FAS: variants seen among roughly 807,000 people sequenced by gnomAD.
The protein encoded by FAS is tumor necrosis factor receptor superfamily member 6.
In FAS, 5 loss-of-function variants were observed where a neutral mutation model predicts 33.2. The observed-to-expected ratio is 0.15, with a 90% CI of 0.08 to 0.32. The LOEUF is 0.32. Ranked by LOEUF, FAS falls within the 10% of genes least tolerant of loss-of-function variation. The pLI, the probability that FAS is intolerant of heterozygous loss-of-function variation, is 1.00. For missense variants in FAS, 339 were observed against 386.0 expected (o/e 0.88, Z 1.02); for synonymous variants, 131 against 130.7 (o/e 1.00, Z -0.01).
chr10:89,002,379 A>G (rs1184173005), intron 1 of FAS, among the ~76,000 whole-genome samples: 1 of 152,118 alleles, frequency 6.6e-6, no homozygotes, highest in African/African-American at 2.4e-5. Context: ...CCTTCTCATA[A>G]TACTGTCTCC....
intron 1 of FAS, among the ~76,000 whole-genome samples, chr10:88,991,824 C>G (rs935358129): frequency 6.6e-6 from 1 of 152,164 alleles, no homozygotes; most frequent in East Asian, 1.9e-4. Context: ...TGAAAAGTCC[C>G]TCGCTCAGAA....
intron 6 of FAS, chr10:89,011,076 A>G: frequency 1.9e-6 from 1 of 531,354 alleles, no homozygotes; most frequent in Non-Finnish European, 3.4e-6. Context: ...CAGCAGCAGA[A>G]TTGGCCAAAA....
chr10:88,989,323 C>G (rs1313797654), upstream of FAS: 1 of 323,682 alleles, frequency 3.1e-6, no homozygotes, highest in African/African-American at 2.2e-5. Flanking sequence ...CCCTCACACC[C>G]CTTTTCCTTC....
At chr10:89,002,838 A>G in intron 1 of FAS, 191 bp from the exon 2 acceptor site, 1 of 614,506 alleles carries the variant, frequency 1.6e-6, no homozygotes, top group South Asian at 1.8e-5. Flanking sequence ...GGTTTGAAGA[A>G]CCTGAGATCC....
At chr10:88,983,827 C>CTT (rs1846789418), upstream of FAS, among the ~76,000 whole-genome samples, 1 of 152,138 alleles carries the variant, frequency 6.6e-6, no homozygotes, top group Non-Finnish European at 1.5e-5. Flanking sequence ...CATTGAATGA[C>CTT]TTGGAAATTC....
intron 2 of FAS, among the ~76,000 whole-genome samples, chr10:88,979,928 A>G (rs1439487982): frequency 6.6e-6 from 1 of 152,138 alleles, no homozygotes; most frequent in African/African-American, 2.4e-5. Flanking sequence ...ATAATAGAAG[A>G]TATAGTTCTT....
chr10:88,993,234 A>G (rs554086663), intron 1 of FAS, among the ~76,000 whole-genome samples: 5 of 152,266 alleles, frequency 3.3e-5, no homozygotes, highest in South Asian at 4.1e-4. Context: ...AAAGTTGACA[A>G]ATTTCTAAAG....
chr10:89,004,955 A>T (rs1345081615), intron 2 of FAS, among the ~76,000 whole-genome samples: 1 of 152,228 alleles, frequency 6.6e-6, no homozygotes, highest in African/African-American at 2.4e-5. Flanking sequence ...TGAATATTGC[A>T]TAAATTAATG....
chr10:88,994,274 G>A (rs1051233611), intron 1 of FAS, among the ~76,000 whole-genome samples: 3 of 152,126 alleles, frequency 2.0e-5, no homozygotes, highest in Non-Finnish European at 4.4e-5. Flanking sequence ...CTTAAGAGAT[G>A]GTCTGAAACC....
At chr10:88,981,560 C>A (rs764837558) in intron 2 of FAS, among the ~76,000 whole-genome samples, 2 of 152,016 alleles carry the variant, frequency 1.3e-5, no homozygotes, top group Non-Finnish European at 2.9e-5. Flanking sequence ...AGAGGAAGAA[C>A]CAAGGTCAAA....
intron 1 of FAS, among the ~76,000 whole-genome samples, chr10:88,993,233 A>G (rs1045772781): frequency 4.6e-5 from 7 of 152,210 alleles, no homozygotes; most frequent in African/African-American, 1.4e-4. Context: ...AAAAGTTGAC[A>G]AATTTCTAAA....
chr10:89,001,524 A>G (rs192482464), intron 1 of FAS, among the ~76,000 whole-genome samples: 1 of 151,512 alleles, frequency 6.6e-6, no homozygotes, highest in Non-Finnish European at 1.5e-5. Context: ...TGTAACCGTC[A>G]TGCTAGATCC....
intron 1 of FAS, among the ~76,000 whole-genome samples, chr10:89,001,372 T>G (rs1320586904): frequency 6.6e-6 from 1 of 151,878 alleles, no homozygotes; most frequent in Non-Finnish European, 1.5e-5. Context: ...TCTGTGGGGT[T>G]TTTTTCTTCC....
intron 1 of FAS, among the ~76,000 whole-genome samples, chr10:88,993,321 G>A (rs1234352246): frequency 7.2e-6 from 1 of 138,944 alleles, no homozygotes; most frequent in Non-Finnish European, 1.5e-5. Context: ...TTTTTTTATT[G>A]TGCATGACCC....
intron 6 of FAS, among the ~76,000 whole-genome samples, chr10:89,011,327 A>G (rs1280113642): frequency 6.6e-6 from 1 of 152,222 alleles, no homozygotes; most frequent in Non-Finnish European, 1.5e-5. Context: ...CCAAAATTAG[A>G]TATTATCATA....
upstream of FAS, among the ~76,000 whole-genome samples, chr10:88,985,340 C>G (rs193116515): frequency 3.5e-4 from 53 of 152,306 alleles, no homozygotes; most frequent in East Asian, 0.01. Flanking sequence ...TCTATATGCT[C>G]ATATGCACAG....
intron 1 of FAS, among the ~76,000 whole-genome samples, chr10:88,995,372 G>C (rs1335174979): frequency 6.6e-6 from 1 of 152,166 alleles, no homozygotes; most frequent in Non-Finnish European, 1.5e-5. Context: ...AAATGAGGTG[G>C]TTCTTCCCTT....
At chr10:88,989,334 C>T, upstream of FAS, 10 of 304,604 alleles carry the variant, frequency 3.3e-5, no homozygotes, top group South Asian at 5.3e-5. Flanking sequence ...CTTTTCCTTC[C>T]TTCTTTTTAC....
At chr10:88,978,675 G>A (rs929803157) in intron 2 of FAS, among the ~76,000 whole-genome samples, 7 of 152,064 alleles carry the variant, frequency 4.6e-5, no homozygotes, top group Non-Finnish European at 8.8e-5. Context: ...TTTGCACCAC[G>A]GCTCCAGCTC....
Sources: allele counts gnomAD v4.1 joint callset (sites outside exome capture counted in the v4.1 genomes callset), GRCh38; gene constraint gnomAD v4.1.1; transcripts MANE v1.5; gene names NCBI Gene and HGNC (gene_info 2026-07-23, HGNC 2026-07-21).